HIP1: variants seen among roughly 807,000 people sequenced by gnomAD.
The protein encoded by HIP1 is huntingtin-interacting protein 1.
HIP1 carries 65 observed loss-of-function variants against 147.6 expected under a neutral mutation model. The ratio of observed to expected loss-of-function variants is 0.44; its 90% CI spans 0.36 to 0.54. The LOEUF (loss-of-function observed/expected upper bound fraction) is 0.54, where lower values mean the gene tolerates loss of function less well. HIP1 is among the 20% of genes least tolerant of loss of function. HIP1 has a pLI of 0.00. For missense variants in HIP1, 1,061 were observed against 1,299.6 expected, an observed-to-expected ratio of 0.82 and a Z score of 2.82; for synonymous variants, 479 against 504.0, an observed-to-expected ratio of 0.95 and a Z score of 0.67.
chr7:75,619,056 C>A (rs781878124), intron 1 of HIP1, among the ~76,000 whole-genome samples: 1 of 152,034 alleles, frequency 6.6e-6, no homozygotes, highest in Non-Finnish European at 1.5e-5. Context: ...TTGGCTAGGC[C>A]GGGATATCAT....
At chr7:75,706,004 C>T (rs1385467276) in intron 1 of HIP1, among the ~76,000 whole-genome samples, 4 of 152,116 alleles carry the variant, frequency 2.6e-5, no homozygotes, top group Admixed American at 2.6e-4. Context: ...TGATTTTCTC[C>T]TGCCTCAGCC....
rs1554516923 is a variant in HIP1, at chr7:75,681,997, AT to A, written c.120+56803del. Among the ~76,000 whole-genome samples the A allele has an allele frequency of 1.5e-5, 2 of 134,746 alleles. 1 individual carries two copies. The highest frequency in any genetic ancestry group is 3.2e-5 in the Non-Finnish European group (2 of 61,744). The allele number at this position is 134,746 out of a possible 152,430, so 88.4% of individuals were successfully genotyped here. On this transcript the variant is annotated intron_variant, in intron 1 of 30. Coordinates refer to ENST00000336926, the MANE Select transcript of HIP1 (RefSeq NM_005338.7). ...AATAAATTTAAATGGTATGAAAGCT[AT>A]TTATCTAAGGCAACAACCTCTTTTT... is the stretch of plus-strand genomic sequence containing the variant.
At chr7:75,701,072 G>A (rs922968299) in intron 1 of HIP1, among the ~76,000 whole-genome samples, 10 of 152,128 alleles carry the variant, frequency 6.6e-5, no homozygotes, top group Admixed American at 5.2e-4. Flanking sequence ...GATGGGATGA[G>A]AATATTCACA....
chr7:75,676,971 G>T lies in HIP1; in HGVS notation c.120+61830C>A, dbSNP rs534236873. Among the ~76,000 whole-genome samples, 3 of 152,074 alleles carry T rather than the reference G, an allele frequency of 2.0e-5. No homozygotes were observed. The East Asian group carries it at 5.9e-4, about 30-fold the overall frequency. On this transcript the variant is annotated intron_variant, in intron 1 of 30. Coordinates refer to ENST00000336926, the MANE Select transcript of HIP1 (RefSeq NM_005338.7). ...GCACTTTGGGAGGCCAAGGCAGGCG[G>T]ATCACCTGAGGTCAGGAGTTCAAGA... is the stretch of plus-strand genomic sequence containing the variant.
chr7:75,595,251 T>G (rs4730992), intron 2 of HIP1, among the ~76,000 whole-genome samples: 2 of 59,504 alleles, frequency 3.4e-5, no homozygotes, highest in African/African-American at 1.7e-4. Flanking sequence ...TTTCTTTCTT[T>G]CTTCCTTCCT....
intron 1 of HIP1, among the ~76,000 whole-genome samples, chr7:75,698,922 T>G (rs1800723973): frequency 6.6e-6 from 1 of 152,080 alleles, no homozygotes; most frequent in Admixed American, 6.6e-5. Context: ...ATGGACACAA[T>G]AAGAGATCAG....
chr7:75,538,596 A>T (rs56872356), intron 30 of HIP1, among the ~76,000 whole-genome samples: 1,638 of 120,686 alleles, frequency 0.014, 40 homozygotes, highest in African/African-American at 0.049. Context: ...TTTTTTTGAG[A>T]TGGAGTCTCG....
intron 1 of HIP1, among the ~76,000 whole-genome samples, chr7:75,633,625 C>G (rs1798315620): frequency 6.6e-6 from 1 of 152,082 alleles, no homozygotes; most frequent in Non-Finnish European, 1.5e-5. Context: ...GGCTGAAACC[C>G]ACTAAATGGA....
At chr7:75,645,551 A>C (rs550729710) in intron 1 of HIP1, among the ~76,000 whole-genome samples, 1 of 152,246 alleles carries the variant, frequency 6.6e-6, no homozygotes, top group South Asian at 2.1e-4. Flanking sequence ...TAGAACTAAA[A>C]ACAGAACTAC....
intron 1 of HIP1, among the ~76,000 whole-genome samples, chr7:75,608,674 A>T (rs1797317517): frequency 6.6e-6 from 1 of 152,236 alleles, no homozygotes; most frequent in South Asian, 2.1e-4. Flanking sequence ...CCAGAGAGGC[A>T]GTTTCTGGAT....
At chr7:75,628,789 T>C (rs1798123856) in intron 1 of HIP1, among the ~76,000 whole-genome samples, 2 of 152,184 alleles carry the variant, frequency 1.3e-5, no homozygotes, top group South Asian at 4.1e-4. Context: ...TGTACCTCTT[T>C]TAAGGAAGAA....
intron 9 of HIP1, among the ~76,000 whole-genome samples, chr7:75,563,805 A>G (rs1795313597): frequency 6.6e-6 from 1 of 152,256 alleles, no homozygotes; most frequent in African/African-American, 2.4e-5. Context: ...GCAGCCGTTC[A>G]ATAAACACTT....
intron 26 of HIP1, 136 bp downstream of exon 26, chr7:75,544,952 A>C (rs1794493230): frequency 2.7e-6 from 2 of 753,018 alleles, no homozygotes; most frequent in African/African-American, 3.5e-5. Flanking sequence ...CTCCCTTGTA[A>C]ACTCGGTCCT....
At chr7:75,563,336 T>C in intron 9 of HIP1, 73 bp from the exon 10 acceptor site, 1 of 1,383,530 alleles carries the variant, frequency 7.2e-7, no homozygotes, top group Admixed American at 1.7e-5. Context: ...AGCAGCCACC[T>C]GGCTTTCCTG....
chr7:75,628,475 CT>C (rs71098044), intron 1 of HIP1, among the ~76,000 whole-genome samples: 1,895 of 132,510 alleles, frequency 0.014, 19 homozygotes, highest in African/African-American at 0.048. Flanking sequence ...TCCTGTACCT[CT>C]TTTTTTTTTT....
chr7:75,682,206 C>T (rs1259914087), intron 1 of HIP1, among the ~76,000 whole-genome samples: 30 of 150,364 alleles, frequency 2.0e-4, no homozygotes, highest in Non-Finnish European at 3.0e-4. Context: ...ATCCACCCAC[C>T]TGGCCTCCCA....
chr7:75,633,005 A>G (rs1798285637), intron 1 of HIP1, among the ~76,000 whole-genome samples: 1 of 152,142 alleles, frequency 6.6e-6, no homozygotes, highest in African/African-American at 2.4e-5. Context: ...GGGGTCTGTC[A>G]GAGGGTGGGG....
At chr7:75,560,887 G>A (rs1416490207) in intron 13 of HIP1, among the ~76,000 whole-genome samples, 5 of 151,520 alleles carry the variant, frequency 3.3e-5, no homozygotes, top group Non-Finnish European at 7.4e-5. Flanking sequence ...ACACCACCAC[G>A]CCTGGCTTGT....
chr7:75,678,504 C>G (rs1396639999), intron 1 of HIP1, among the ~76,000 whole-genome samples: 1 of 152,030 alleles, frequency 6.6e-6, no homozygotes, highest in Non-Finnish European at 1.5e-5. Flanking sequence ...CCACCACACC[C>G]GGCTAATTTT....
Sources: gnomAD v4.1 joint callset for allele counts (sites outside exome capture counted in the v4.1 genomes callset) on GRCh38, gnomAD v4.1.1 for gene constraint, MANE v1.5 for transcripts, NCBI Gene and HGNC (gene_info 2026-07-23, HGNC 2026-07-21) for gene names.